DDX42: variants seen among roughly 807,000 people sequenced by gnomAD.
DDX42 encodes the protein DEAD-box helicase 42.
DDX42 carries 22 observed loss-of-function variants against 101.5 expected under a neutral mutation model. The ratio of observed to expected loss-of-function variants is 0.22; its 90% CI spans 0.15 to 0.31. DDX42 has a LOEUF of 0.31. Ranked by LOEUF, DDX42 falls within the 10% of genes least tolerant of loss-of-function variation. DDX42 has a pLI of 1.00. For synonymous variants in DDX42, 402 were observed against 401.2 expected, an observed-to-expected ratio of 1.00 and a Z score of -0.02; for missense variants, 849 against 1,199.9, an observed-to-expected ratio of 0.71 and a Z score of 4.32.
chr17:63,809,538 G>A (rs2039883846), intron 10 of DDX42, 22 bp from the exon 11 acceptor site: 3 of 1,598,770 alleles, frequency 1.9e-6, no homozygotes, highest in Non-Finnish European at 1.7e-6. Flanking sequence ...TATACTTACT[G>A]TTCATTTTGT....
chr17:63,813,188 C>T (rs1191378881), intron 14 of DDX42, 40 bp from the exon 15 acceptor site: 19 of 1,541,088 alleles, frequency 1.2e-5, no homozygotes, highest in Non-Finnish European at 1.7e-5. Flanking sequence ...CTTCTGACTA[C>T]AGATGAAGAA....
chr17:63,783,253 A>G (rs2039509995), intron 1 of DDX42, among the ~76,000 whole-genome samples: 1 of 152,154 alleles, frequency 6.6e-6, no homozygotes, highest in Admixed American at 6.5e-5. Flanking sequence ...CTAGCACATC[A>G]TATACCACCT....
Position 63,797,352 on chromosome 17 carries a change from C to CAA in DDX42, c.373-669_373-668dup, listed in dbSNP as rs59892636. Among the ~76,000 whole-genome samples, 178 of 99,892 alleles carry CAA rather than the reference C, an allele frequency of 1.8e-3. 6 individuals are homozygous for CAA. Among genetic ancestry groups the CAA allele is most frequent in the African/African-American group, 2.2e-3 (60 of 27,226 alleles). 65.5% of individuals were successfully genotyped at this position (99,892 alleles called of 152,430 possible). A position where few individuals can be genotyped will look rare whatever the true frequency, so the allele number is the denominator to read the frequency against. Reference sequence around the variant, plus strand: ...GGGCAACGAGAGCGAAACTCCATCTCAAAAAAAAAAAAAAAAAAGAATTGC... The same window carrying CAA: ...GGGCAACGAGAGCGAAACTCCATCTCAAAAAAAAAAAAAAAAAAAAGAATTGC... On this transcript the variant is annotated intron_variant, in intron 3 of 17. Coordinates refer to ENST00000389924, the MANE Select transcript of DDX42 (RefSeq NM_203499.3).
At chr17:63,785,498 A>T (rs1398100544) in intron 1 of DDX42, among the ~76,000 whole-genome samples, 1 of 145,388 alleles carries the variant, frequency 6.9e-6, no homozygotes, top group Admixed American at 6.9e-5. Flanking sequence ...GCAGTGGCTC[A>T]TGCCTGTAAT....
chr17:63,814,174 A>G (rs756797185), intron 15 of DDX42, among the ~76,000 whole-genome samples: 2 of 152,156 alleles, frequency 1.3e-5, no homozygotes, highest in Non-Finnish European at 2.9e-5. Flanking sequence ...TGTTCCTTGC[A>G]GAGATCTCAG....
At position 63,798,060 on chromosome 17, in the gene DDX42, A is replaced by G; in HGVS notation, c.395A>G (p.Lys132Arg). The change falls in exon 4 of 18, where the codon AAG (lysine) becomes AGG (arginine). Residue 132 changes from lysine to arginine, a missense_variant. By Grantham distance (26) the Lys-to-Arg change is conservative. Around this residue, in one of 5 missense-constraint regions of DDX42, gnomAD observed 370 missense variants for 608.8 expected, o/e 0.61. Transcript: ENST00000389924. ...TAGGATCAGGCAGCTAGAGACATGA[A>G]GAGGCTTGAAGAAAAGGACAAGGAA... ...EVEDQAARDMKRLEEKDKERK... is the reference protein window; with the variant it reads ...EVEDQAARDMRRLEEKDKERK... 2 of 1,613,516 alleles carry G rather than the reference A, an allele frequency of 1.2e-6. No homozygotes were observed.
Position 63,818,710 on chromosome 17 carries a change from T to C in DDX42, c.*312T>C, listed in dbSNP as rs1046786355. The C allele has an allele frequency of 1.8e-5, 5 of 283,728 alleles. No homozygotes were observed. Among genetic ancestry groups the C allele is most frequent in the African/African-American group, 8.5e-5 (4 of 46,786 alleles). 17.6% of individuals were successfully genotyped at this position (283,728 alleles called of 1,614,324 possible). On this transcript the variant is annotated 3_prime_UTR_variant, in exon 18 of 18. Coordinates refer to ENST00000389924, the MANE Select transcript of DDX42 (RefSeq NM_203499.3). ...GCACAAAACTCACTCTAGGTTTATA[T>C]TGTATGTAGCTTATATTTTTTACTA...
chr17:63,798,602 A>G (rs1430008345), intron 4 of DDX42, among the ~76,000 whole-genome samples: 1 of 152,150 alleles, frequency 6.6e-6, no homozygotes, highest in Non-Finnish European at 1.5e-5. Context: ...CAGTATAAAA[A>G]CCTGTGTATA....
chr17:63,808,674 C>A (rs1372532385), intron 9 of DDX42, 146 bp from the exon 10 acceptor site: 13 of 788,732 alleles, frequency 1.6e-5, no homozygotes, highest in Non-Finnish European at 4.0e-6. Context: ...TCATTTATAC[C>A]TTTATGAATA....
chr17:63,803,810 C>T (rs1018933106), intron 6 of DDX42, among the ~76,000 whole-genome samples: 15 of 151,424 alleles, frequency 9.9e-5, no homozygotes, highest in African/African-American at 2.4e-4. Flanking sequence ...CCACTACGCC[C>T]GGCTAATTTT....
intron 11 of DDX42, 137 bp from the exon 12 acceptor site, chr17:63,810,376 C>A: frequency 2.6e-6 from 2 of 774,644 alleles, no homozygotes; most frequent in Non-Finnish European, 2.0e-6. Flanking sequence ...CAGGCATGAG[C>A]CACTGTGCCT....
chr17:63,803,925 C>T (rs926671210), intron 6 of DDX42, among the ~76,000 whole-genome samples: 21 of 152,084 alleles, frequency 1.4e-4, no homozygotes, highest in Non-Finnish European at 2.9e-4. Flanking sequence ...GCTGGGATTA[C>T]GGGTATGAGC....
chr17:63,799,058 G>C (rs929495533), intron 4 of DDX42, among the ~76,000 whole-genome samples: 1 of 152,162 alleles, frequency 6.6e-6, no homozygotes, highest in African/African-American at 2.4e-5. Flanking sequence ...CATGTGAACT[G>C]TTTAAGCGTT....
chr17:63,803,082 T>C (rs2039792549), intron 6 of DDX42, among the ~76,000 whole-genome samples: 2 of 152,312 alleles, frequency 1.3e-5, no homozygotes, highest in South Asian at 4.1e-4. Flanking sequence ...TTGGATGATC[T>C]GTATATAACC....
At chr17:63,774,430 G>A (rs1313150845) in intron 1 of DDX42, 54 bp downstream of exon 1, 3 of 217,036 alleles carry the variant, frequency 1.4e-5, no homozygotes, top group Non-Finnish European at 2.7e-5. Flanking sequence ...GGGCACTGGA[G>A]GCAACTGCTG....
chr17:63,800,712 C>T lies in DDX42; in HGVS notation c.621+95C>T. On this transcript the variant is annotated intron_variant, in intron 6 of 17. Coordinates refer to ENST00000389924, the MANE Select transcript of DDX42 (RefSeq NM_203499.3). ...TTTTCTCAGTAGTGGAATACTCTTA[C>T]ATCATGAGCGTATGCATCTTGTCAT... 3 of 1,449,084 alleles carry T rather than the reference C, an allele frequency of 2.1e-6. No homozygotes were observed. In the South Asian group the frequency reaches 4.0e-5, roughly 19 times the overall value. 89.8% of individuals were successfully genotyped at this position (1,449,084 alleles called of 1,614,324 possible). A position where few individuals can be genotyped will look rare whatever the true frequency, so the allele number is the denominator to read the frequency against.
At position 63,800,623 on chromosome 17, in the gene DDX42, G is replaced by C; in HGVS notation, c.621+6G>C. On this transcript the variant is annotated splice_donor_region_variant and intron_variant, in intron 6 of 17. Coordinates refer to ENST00000389924, the MANE Select transcript of DDX42 (RefSeq NM_203499.3). ...CCCCCATTGATCATTCAGAGGTATG[G>C]TGTTTCTTGCTGAATTTTACTCTTG... The C allele has an allele frequency of 1.2e-6, 2 of 1,610,958 alleles. No individual in the cohort carries two copies. Among genetic ancestry groups the C allele is most frequent in the Non-Finnish European group, 1.7e-6 (2 of 1,178,980 alleles).
chr17:63,784,689 A>C (rs1236353356), intron 1 of DDX42, among the ~76,000 whole-genome samples: 1 of 152,184 alleles, frequency 6.6e-6, no homozygotes, highest in Admixed American at 6.5e-5. Context: ...TGGGAGGATC[A>C]CTTGAGCCCA....
Position 63,808,859 on chromosome 17 carries a change from C to G in DDX42, c.1063C>G (p.Leu355Val). The change falls in exon 10 of 18, where the codon CTT becomes GTT. Residue 355 changes from leucine to valine, a missense_variant. Around this residue, in one of 5 missense-constraint regions of DDX42, gnomAD observed 370 missense variants for 608.8 expected, o/e 0.61. Coordinates refer to ENST00000389924, the MANE Select transcript of DDX42 (RefSeq NM_203499.3). ...TAAGCGGTTTGGAAAAGCATATAATCTTCGATCAGTGGCCGTATATGGAGG... is the reference window on the plus strand; with the variant it reads ...TAAGCGGTTTGGAAAAGCATATAATGTTCGATCAGTGGCCGTATATGGAGG... ...ECKRFGKAYNLRSVAVYGGGS... is the reference protein window; with the variant it reads ...ECKRFGKAYNVRSVAVYGGGS... 1 of 1,614,032 alleles carries G rather than the reference C, an allele frequency of 6.2e-7. No homozygotes were observed. Among genetic ancestry groups the G allele is most frequent in the Non-Finnish European group, 8.5e-7 (1 of 1,179,966 alleles).
Sources: gnomAD v4.1 joint callset for allele counts (sites outside exome capture counted in the v4.1 genomes callset) on GRCh38, gnomAD v4.1.1 for gene constraint, gnomAD v4.1.1 regional missense constraint, MANE v1.5 for transcripts, NCBI Gene and HGNC (gene_info 2026-07-23, HGNC 2026-07-21) for gene names.